The following VANGL2 variants were observed in gnomAD, a reference collection of about 807,000 sequenced individuals.
VANGL2 encodes vang-like protein 2.
Under a neutral mutation model 50.2 loss-of-function variants are expected in VANGL2, and 14 were observed. The ratio of observed to expected loss-of-function variants is 0.28; its 90% CI spans 0.18 to 0.44. The LOEUF (loss-of-function observed/expected upper bound fraction) is 0.44. Ranked by LOEUF, VANGL2 falls within the 20% of genes least tolerant of loss-of-function variation. The probability of loss-of-function intolerance (pLI) is 1.00; values close to 1 mark genes in which losing one functional copy is unlikely to be tolerated. For missense variants in VANGL2, 533 were observed against 701.5 expected, an observed-to-expected ratio of 0.76 and a Z score of 2.71; for synonymous variants, 295 against 297.2, an observed-to-expected ratio of 0.99 and a Z score of 0.08.
rs1325046388 is a variant in VANGL2, at chr1:160,418,984, G to A, written c.193-18G>A. The A allele has an allele frequency of 2.5e-6, 4 of 1,597,162 alleles. No homozygotes were observed. Among genetic ancestry groups the A allele is most frequent in the South Asian group, 1.1e-5 (1 of 88,696 alleles). ...TCCTTTCCTCCTTATTGTGTGGCTG[G>A]CCCCCTTCTGCCTGTAGGATGACAA... On this transcript the variant is annotated intron_variant, in intron 3 of 7. Transcript: ENST00000368061.
chr1:160,426,153 G>C lies in VANGL2; in HGVS notation c.*775G>C, dbSNP rs1054106853. On this transcript the variant is annotated 3_prime_UTR_variant, in exon 8 of 8. Coordinates refer to ENST00000368061, the MANE Select transcript of VANGL2 (RefSeq NM_020335.3). ...TGTGTCTTCCTAGGCAGCCCCTGAGGAGGAGGGCTGAATAGATCCCTGAGG... is the reference window on the plus strand; with the variant it reads ...TGTGTCTTCCTAGGCAGCCCCTGAGCAGGAGGGCTGAATAGATCCCTGAGG... 1 of 152,224 alleles carries C rather than the reference G, an allele frequency of 6.6e-6. No homozygotes were observed. Among genetic ancestry groups the C allele is most frequent in the Non-Finnish European group, 1.5e-5 (1 of 68,058 alleles). 9.4% of individuals were successfully genotyped at this position (152,224 alleles called of 1,614,324 possible).
chr1:160,406,873 C>T (rs762618913), intron 1 of VANGL2, among the ~76,000 whole-genome samples: 27 of 152,238 alleles, frequency 1.8e-4, no homozygotes, highest in Middle Eastern at 3.4e-3. Flanking sequence ...GGATTACAGG[C>T]ATGCACCACC....
rs749160641 is a variant in VANGL2 at position 160,415,694 on chromosome 1, A to G, written c.-144A>G. The G allele has an allele frequency of 5.4e-6, 5 of 934,180 alleles. No individual in the cohort carries two copies. The highest frequency in any genetic ancestry group is 6.6e-6 in the Non-Finnish European group (4 of 603,820). The allele number at this position is 934,180 out of a possible 1,614,324, so 57.9% of individuals were successfully genotyped here. ...GAGACAAGCCCACCCGTCCAGCAAA[A>G]TAGAGTCCCTCAGGGTGACAGTTGA... On this transcript the variant is annotated 5_prime_UTR_variant, in exon 2 of 8. Coordinates refer to ENST00000368061, the MANE Select transcript of VANGL2 (RefSeq NM_020335.3).
chr1:160,410,675 T>TACACAC lies in VANGL2; in HGVS notation c.-190-4954_-190-4949dup, dbSNP rs111892045. Among the ~76,000 whole-genome samples, 341 of 143,362 alleles carry TACACAC rather than the reference T, an allele frequency of 2.4e-3. 1 individual carries two copies. The highest frequency in any genetic ancestry group is 7.7e-3 in the African/African-American group (308 of 39,810). 94.1% of individuals were successfully genotyped at this position (143,362 alleles called of 152,430 possible). On this transcript the variant is annotated intron_variant, in intron 1 of 7. Coordinates refer to ENST00000368061, the MANE Select transcript of VANGL2 (RefSeq NM_020335.3). ...TTTTGGCCAACACCCACCCCCCTTATACACACACACACACACACACACACG... is the reference window on the plus strand; with the variant it reads ...TTTTGGCCAACACCCACCCCCCTTATACACACACACACACACACACACACACACACG...
rs1184899014 is a variant in VANGL2 at position 160,415,631 on chromosome 1, C to T, written c.-190-17C>T. ...GGGAGCTCGAGCCGCCTCTAACTAGCTTCTTCCTCTCACCAGGAGCGTCGC... is the reference window on the plus strand; with the variant it reads ...GGGAGCTCGAGCCGCCTCTAACTAGTTTCTTCCTCTCACCAGGAGCGTCGC... On this transcript the variant is annotated splice_polypyrimidine_tract_variant and intron_variant, in intron 1 of 7. Transcript: ENST00000368061. 1.1e-5 allele frequency: 7 copies of T among 622,444 alleles called. No individual in the cohort carries two copies. The highest frequency in any genetic ancestry group is 2.0e-5 in the Non-Finnish European group (7 of 355,744). 38.6% of individuals were successfully genotyped at this position (622,444 alleles called of 1,614,324 possible).
chr1:160,417,305 T>C (rs1651095629), intron 3 of VANGL2, among the ~76,000 whole-genome samples: 1 of 152,150 alleles, frequency 6.6e-6, no homozygotes, highest in African/African-American at 2.4e-5. Context: ...ACCTCCTGGG[T>C]GTCAGGTTGT....
chr1:160,410,999 G>A (rs1194251539), intron 1 of VANGL2, among the ~76,000 whole-genome samples: 4 of 152,066 alleles, frequency 2.6e-5, no homozygotes, highest in Non-Finnish European at 4.4e-5. Flanking sequence ...CTGGGCAGCA[G>A]GGACAAAAGC....
intron 3 of VANGL2, among the ~76,000 whole-genome samples, chr1:160,417,908 A>ATTT (rs4017836): frequency 0.13 from 16,567 of 129,944 alleles, 1,291 homozygotes; most frequent in South Asian, 0.23. Context: ...GACTTCCATA[A>ATTT]TTTTTTTTTT....
rs575060977 is a variant in VANGL2 at position 160,428,468 on chromosome 1, G to T, written c.*3090G>T. On this transcript the variant is annotated 3_prime_UTR_variant, in exon 8 of 8. Coordinates refer to ENST00000368061, the MANE Select transcript of VANGL2 (RefSeq NM_020335.3). The stretch of plus-strand genomic sequence containing the variant: ...ATCTAGATTTTTTTTCCTTTTTTTT[G>T]GGGGGGTGGGGTTACAGAGCTGAGA... 6.6e-5 allele frequency: 10 copies of T among 151,424 alleles called. No homozygotes were observed. In the East Asian group the frequency reaches 1.2e-3, roughly 18 times the overall value. 9.4% of individuals were successfully genotyped at this position (151,424 alleles called of 1,614,324 possible). A position where few individuals can be genotyped will look rare whatever the true frequency, so the allele number is the denominator to read the frequency against.
rs1016962826 is a variant in VANGL2 at position 160,428,281 on chromosome 1, G to T, written c.*2903G>T. The T allele has an allele frequency of 3.3e-5, 5 of 152,626 alleles. No individual in the cohort carries two copies. Among genetic ancestry groups the T allele is most frequent in the African/African-American group, 1.2e-4 (5 of 41,422 alleles). 9.5% of individuals were successfully genotyped at this position (152,626 alleles called of 1,614,324 possible). Reference sequence around the variant, plus strand: ...GTTCCTCTGTGGTGTCTGTCAGTCCGTCTGTCTTCTCTTTCCTCTGCCCTT... The same window carrying T: ...GTTCCTCTGTGGTGTCTGTCAGTCCTTCTGTCTTCTCTTTCCTCTGCCCTT... On this transcript the variant is annotated 3_prime_UTR_variant, in exon 8 of 8. Transcript: ENST00000368061.
At chr1:160,422,904 C>CTT (rs377266487) in intron 6 of VANGL2, among the ~76,000 whole-genome samples, 3 of 138,992 alleles carry the variant, frequency 2.2e-5, no homozygotes, top group Non-Finnish European at 3.1e-5. Context: ...TGTATGTATG[C>CTT]TTTTTTTTTT....
At chr1:160,411,035 C>T (rs1008354583) in intron 1 of VANGL2, among the ~76,000 whole-genome samples, 7 of 151,864 alleles carry the variant, frequency 4.6e-5, no homozygotes, top group African/African-American at 1.7e-4. Flanking sequence ...TGCCAAGCTC[C>T]CCCCCAATCC....
chr1:160,420,420 C>T lies in VANGL2; in HGVS notation c.810C>T (p.Arg270=), dbSNP rs766219882. The T allele has an allele frequency of 8.9e-5, 143 of 1,613,924 alleles. No homozygotes were observed. The highest frequency in any genetic ancestry group is 1.1e-4 in the Non-Finnish European group (135 of 1,180,014). The change falls in exon 5 of 8, where the codon CGC becomes CGT. Residue 270 remains arginine (R), a synonymous_variant. Transcript: ENST00000368061. ...FYNVGHLSIQ[R]VAVWILEKYY... is the part of the protein sequence containing the mutation. ...GCCGTCTCCCCCACAGCATCCAGCG[C>T]GTGGCAGTGTGGATCCTGGAGAAGT...
At chr1:160,415,579 A>G (rs2101960200) in intron 1 of VANGL2, 69 bp from the exon 2 acceptor site, 1 of 532,224 alleles carries the variant, frequency 1.9e-6, no homozygotes, top group East Asian at 3.3e-5. Flanking sequence ...TTGTGTGCAG[A>G]TGGTCTTCCT....
intron 5 of VANGL2, 117 bp downstream of exon 5, chr1:160,420,664 C>T (rs1435452292): frequency 2.2e-5 from 32 of 1,484,612 alleles, no homozygotes; most frequent in South Asian, 1.2e-4. Flanking sequence ...ATGTTCTAGC[C>T]GCTTCTATTC....
chr1:160,418,898 GTTC>G, intron 3 of VANGL2, 101 bp from the exon 4 acceptor site: 1 of 1,417,382 alleles, frequency 7.1e-7, no homozygotes, highest in Non-Finnish European at 9.5e-7. Context: ...TTTCCCATGT[GTTC>G]TTCTCTGTCT....
chr1:160,417,445 G>A (rs1307869548), intron 3 of VANGL2, among the ~76,000 whole-genome samples: 2 of 152,170 alleles, frequency 1.3e-5, no homozygotes, highest in African/African-American at 2.4e-5. Flanking sequence ...ACACTTAGAG[G>A]GACACCTGGG....
At chr1:160,414,111 G>A (rs1650976929) in intron 1 of VANGL2, among the ~76,000 whole-genome samples, 1 of 152,168 alleles carries the variant, frequency 6.6e-6, no homozygotes, top group African/African-American at 2.4e-5. Context: ...TCTACCCTTA[G>A]CAAGCCTGTA....
At chr1:160,410,569 C>T (rs889334858) in intron 1 of VANGL2, among the ~76,000 whole-genome samples, 2 of 152,062 alleles carry the variant, frequency 1.3e-5, no homozygotes, top group Non-Finnish European at 2.9e-5. Context: ...GGGGTGCTGG[C>T]GTTTGTGTTC....
Sources: allele counts gnomAD v4.1 joint callset (sites outside exome capture counted in the v4.1 genomes callset), GRCh38; gene constraint gnomAD v4.1.1; transcripts MANE v1.5; gene names NCBI Gene and HGNC (gene_info 2026-07-23, HGNC 2026-07-21).